ADAMTS18: variants seen among roughly 807,000 people sequenced by gnomAD.
ADAMTS18 encodes A disintegrin and metalloproteinase with thrombospondin motifs 18.
A neutral mutation model predicts 165.9 loss-of-function variants in ADAMTS18; 157 were observed. The ratio of observed to expected loss-of-function variants is 0.95; its 90% confidence interval spans 0.83 to 1.08. The LOEUF is 1.08. ADAMTS18 is among the 50% of genes least tolerant of loss of function. The probability of loss-of-function intolerance (pLI) is 0.00; values close to 1 mark genes in which losing one functional copy is unlikely to be tolerated. For missense variants in ADAMTS18, 2,040 were observed against 1,534.0 expected, an observed-to-expected ratio of 1.33 and a Z score of -5.51; for synonymous variants, 782 against 578.2, an observed-to-expected ratio of 1.35 and a Z score of -5.06.
At chr16:77,407,311 A>G (rs1045393806) in intron 3 of ADAMTS18, among the ~76,000 whole-genome samples, 2 of 152,084 alleles carry the variant, frequency 1.3e-5, no homozygotes, top group African/African-American at 4.8e-5. Flanking sequence ...AATGAAAACT[A>G]CAAAACACCA....
chr16:77,370,206 T>C (rs1464799343), intron 3 of ADAMTS18, among the ~76,000 whole-genome samples: 1 of 152,156 alleles, frequency 6.6e-6, no homozygotes, highest in Non-Finnish European at 1.5e-5. Flanking sequence ...ACCACTTCTA[T>C]TCTACATAGT....
At chr16:77,303,242 C>T (rs568526343) in intron 16 of ADAMTS18, among the ~76,000 whole-genome samples, 1 of 152,276 alleles carries the variant, frequency 6.6e-6, no homozygotes, top group East Asian at 1.9e-4. Flanking sequence ...AAGTCAAAAG[C>T]CTTTTAATTT....
At chr16:77,412,508 A>G (rs149728053) in intron 3 of ADAMTS18, among the ~76,000 whole-genome samples, 456 of 152,196 alleles carry the variant, frequency 3.0e-3, no homozygotes, top group Admixed American at 9.4e-3. Flanking sequence ...TCTTTCATGT[A>G]TTATAGAGAT....
Position 77,294,980 on chromosome 16 carries a change from G to A in ADAMTS18, c.2949C>T (p.Val983=). The A allele has an allele frequency of 6.2e-7, 1 of 1,614,122 alleles. No individual in the cohort carries two copies. The highest frequency in any genetic ancestry group is 1.1e-5 in the South Asian group (1 of 91,074). The change falls in exon 19 of 23, where the codon GTC becomes GTT. Residue 983 remains valine (V), a synonymous_variant. Coordinates refer to ENST00000282849, the MANE Select transcript of ADAMTS18 (RefSeq NM_199355.4). The stretch of plus-strand genomic sequence containing the variant: ...GGCAGGCATGGCTGTTGCAGGCTTG[G>A]ACCTGAGTGGGTGTGCTCACTGGAC... ...SLCPVSTPTQ[V]QACNSHACPP...
At position 77,367,680 on chromosome 16, in the gene ADAMTS18, G is replaced by A; in HGVS notation, c.539C>T (p.Pro180Leu). The change falls in exon 4 of 23, where the codon CCA (proline) becomes CTA (leucine). Residue 180 changes from proline to leucine, a missense_variant. Transcript: ENST00000282849. Reference sequence around the variant, plus strand: ...TTCCTGGGCCAGAAGCTGAGGTAATGGCGAGATGAGGAATTCATTTTTTCG... The same window carrying A: ...TTCCTGGGCCAGAAGCTGAGGTAATAGCGAGATGAGGAATTCATTTTTTCG... ...RTRKNEFLISPLPQLLAQEHN... is the reference protein window; with the variant it reads ...RTRKNEFLISLLPQLLAQEHN... 1.9e-6 allele frequency: 3 copies of A among 1,614,180 alleles called. No homozygotes were observed. The highest frequency in any genetic ancestry group is 2.5e-6 in the Non-Finnish European group (3 of 1,180,030).
chr16:77,391,035 G>A (rs1275098223), intron 3 of ADAMTS18, among the ~76,000 whole-genome samples: 1 of 152,126 alleles, frequency 6.6e-6, no homozygotes, highest in Non-Finnish European at 1.5e-5. Flanking sequence ...AATTGTGCAT[G>A]ACTCCTTTCA....
At chr16:77,345,801 G>C (rs1348881490) in intron 10 of ADAMTS18, among the ~76,000 whole-genome samples, 1 of 152,190 alleles carries the variant, frequency 6.6e-6, no homozygotes, top group Non-Finnish European at 1.5e-5. Context: ...ATGGCACTCA[G>C]TTAGGGAGAG....
intron 16 of ADAMTS18, among the ~76,000 whole-genome samples, chr16:77,310,377 G>A (rs1443097196): frequency 6.6e-6 from 1 of 152,194 alleles, no homozygotes; most frequent in Non-Finnish European, 1.5e-5. Context: ...TATAGACACA[G>A]TAGAAGACAT....
At chr16:77,290,849 G>A in intron 21 of ADAMTS18, 1 of 296,066 alleles carries the variant, frequency 3.4e-6, no homozygotes, top group South Asian at 3.6e-5. Flanking sequence ...CATAGTAATA[G>A]CTTGACAAAT....
chr16:77,307,953 TC>T (rs1187300173), intron 16 of ADAMTS18, among the ~76,000 whole-genome samples: 5 of 152,142 alleles, frequency 3.3e-5, no homozygotes, highest in African/African-American at 9.7e-5. Context: ...CACCCTGTCA[TC>T]TCCTTTGGCC....
chr16:77,341,573 G>T, intron 11 of ADAMTS18, 131 bp downstream of exon 11: 1 of 765,342 alleles, frequency 1.3e-6, no homozygotes, highest in Non-Finnish European at 2.3e-6. Context: ...GCTATATAAT[G>T]TTGTTAATAT....
At chr16:77,390,420 G>A (rs1055541033) in intron 3 of ADAMTS18, among the ~76,000 whole-genome samples, 6 of 151,952 alleles carry the variant, frequency 3.9e-5, no homozygotes, top group African/African-American at 9.7e-5. Context: ...TGCCAGGTGC[G>A]ATGGCTCACA....
intron 3 of ADAMTS18, among the ~76,000 whole-genome samples, chr16:77,391,364 G>A (rs1168765405): frequency 2.0e-5 from 3 of 151,936 alleles, no homozygotes; most frequent in Non-Finnish European, 4.4e-5. Context: ...TTAGGTGCAT[G>A]CCTGTAGTCC....
intron 17 of ADAMTS18, among the ~76,000 whole-genome samples, chr16:77,299,325 C>T (rs2055536076): frequency 6.6e-6 from 1 of 152,158 alleles, no homozygotes; most frequent in Non-Finnish European, 1.5e-5. Flanking sequence ...TAGCCCATTG[C>T]TTTTAAAATG....
intron 16 of ADAMTS18, among the ~76,000 whole-genome samples, chr16:77,313,460 A>C (rs2055822600): frequency 6.8e-6 from 1 of 147,546 alleles, no homozygotes; most frequent in African/African-American, 2.5e-5. Context: ...AAAATAAATA[A>C]ATAAATAAAT....
At chr16:77,399,909 A>G (rs1045732028) in intron 3 of ADAMTS18, among the ~76,000 whole-genome samples, 1 of 152,196 alleles carries the variant, frequency 6.6e-6, no homozygotes, top group Non-Finnish European at 1.5e-5. Context: ...CTTTGTCTGT[A>G]CAATCTGGAA....
At chr16:77,383,546 TTTG>T (rs60293145) in intron 3 of ADAMTS18, among the ~76,000 whole-genome samples, 7 of 151,526 alleles carry the variant, frequency 4.6e-5, no homozygotes, top group South Asian at 4.2e-4. Flanking sequence ...CGACCTCTTT[TTTG>T]TTGTTGTTGT....
intron 3 of ADAMTS18, among the ~76,000 whole-genome samples, chr16:77,381,368 G>C (rs1438083293): frequency 1.2e-4 from 19 of 152,162 alleles, no homozygotes; most frequent in Admixed American, 1.2e-3. Context: ...CCAGTTTTGG[G>C]CTGGCATAAT....
intron 20 of ADAMTS18, 166 bp downstream of exon 20, chr16:77,292,910 C>T (rs1250181443): frequency 1.4e-6 from 1 of 711,048 alleles, no homozygotes; most frequent in Non-Finnish European, 2.3e-6. Flanking sequence ...AACTCCGCCT[C>T]CTGGGTTCAC....
Sources: gnomAD v4.1 joint callset for allele counts (sites outside exome capture counted in the v4.1 genomes callset) on GRCh38, gnomAD v4.1.1 for gene constraint, MANE v1.5 for transcripts, NCBI Gene and HGNC (gene_info 2026-07-23, HGNC 2026-07-21) for gene names.